EXOC6B: variants seen among roughly 807,000 people sequenced by gnomAD.
The protein encoded by EXOC6B is SEC15 homolog B.
EXOC6B carries 54 observed loss-of-function variants against 113.5 expected under a neutral mutation model. The ratio of observed to expected loss-of-function variants is 0.48; its 90% CI spans 0.38 to 0.60. The LOEUF (loss-of-function observed/expected upper bound fraction) is 0.60. Ranked by LOEUF, EXOC6B falls within the 20% of genes least tolerant of loss-of-function variation. EXOC6B has a pLI of 0.00. For synonymous variants in EXOC6B, 357 were observed against 339.0 expected, an observed-to-expected ratio of 1.05 and a Z score of -0.58; for missense variants, 797 against 977.5, an observed-to-expected ratio of 0.82 and a Z score of 2.46.
At chr2:72,463,315 A>G (rs968228522) in intron 18 of EXOC6B, 1 of 152,176 alleles carries the variant, frequency 6.6e-6, no homozygotes, top group Non-Finnish European at 1.5e-5. Flanking sequence ...CTGCAGATAA[A>G]TGCTCCCACT....
chr2:72,438,311 A>G (rs541000621), intron 18 of EXOC6B, among the ~76,000 whole-genome samples: 1,882 of 137,552 alleles, frequency 0.014, 60 homozygotes, highest in Middle Eastern at 0.014. Context: ...ATCTTTGTGG[A>G]AAAAAAAAAA....
intron 1 of EXOC6B, among the ~76,000 whole-genome samples, chr2:72,765,611 T>C (rs1436122071): frequency 6.6e-6 from 1 of 152,116 alleles, no homozygotes; most frequent in Non-Finnish European, 1.5e-5. Context: ...AGGTGGAGGT[T>C]GCTGTGAGCC....
chr2:72,390,863 ATTGT>A (rs1692331912), intron 18 of EXOC6B, among the ~76,000 whole-genome samples: 1 of 152,056 alleles, frequency 6.6e-6, no homozygotes, highest in South Asian at 2.1e-4. Flanking sequence ...TGTTTGTTTG[ATTGT>A]TTGTCTGACC....
At chr2:72,695,117 G>A (rs752395155) in intron 6 of EXOC6B, among the ~76,000 whole-genome samples, 1 of 152,194 alleles carries the variant, frequency 6.6e-6, no homozygotes, top group African/African-American at 2.4e-5. Context: ...CGGGAAAGAC[G>A]GCTGGATGCT....
intron 20 of EXOC6B, among the ~76,000 whole-genome samples, chr2:72,299,448 C>T (rs1054084825): frequency 6.6e-6 from 1 of 152,006 alleles, no homozygotes; most frequent in East Asian, 2.0e-4. Flanking sequence ...TTTTTAGCTT[C>T]CTTGCATTGG....
chr2:72,652,964 T>C (rs1001763659), intron 6 of EXOC6B, among the ~76,000 whole-genome samples: 1 of 151,598 alleles, frequency 6.6e-6, no homozygotes, highest in Non-Finnish European at 1.5e-5. Context: ...TGGGCAACAT[T>C]GTGAGACCTC....
At chr2:72,335,123 G>T in intron 19 of EXOC6B, 103 bp from the exon 20 acceptor site, 1 of 1,024,814 alleles carries the variant, frequency 9.8e-7, no homozygotes, top group Non-Finnish European at 1.5e-6. Flanking sequence ...GGGAGAGGAG[G>T]ACCAAGCTTC....
intron 18 of EXOC6B, among the ~76,000 whole-genome samples, chr2:72,399,886 T>C (rs1693025664): frequency 6.6e-6 from 1 of 152,116 alleles, no homozygotes. Flanking sequence ...CAATGCAATT[T>C]CTATCAAAAT....
intron 6 of EXOC6B, among the ~76,000 whole-genome samples, chr2:72,652,134 G>A (rs1385331771): frequency 6.7e-6 from 1 of 149,438 alleles, no homozygotes; most frequent in Non-Finnish European, 1.5e-5. Flanking sequence ...CCAGGTAAAA[G>A]AATTACGACA....
intron 6 of EXOC6B, among the ~76,000 whole-genome samples, chr2:72,704,290 A>G (rs1678669343): frequency 6.6e-6 from 1 of 151,462 alleles, no homozygotes; most frequent in African/African-American, 2.4e-5. Flanking sequence ...GAGAACAAAG[A>G]CACAACATAC....
At chr2:72,289,287 C>T (rs1685640033) in intron 20 of EXOC6B, among the ~76,000 whole-genome samples, 1 of 152,150 alleles carries the variant, frequency 6.6e-6, no homozygotes, top group African/African-American at 2.4e-5. Flanking sequence ...AGTATATTCA[C>T]TTTGCGAAAA....
chr2:72,310,608 C>T (rs1406996132), intron 20 of EXOC6B, among the ~76,000 whole-genome samples: 1 of 151,192 alleles, frequency 6.6e-6, no homozygotes, highest in Non-Finnish European at 1.5e-5. Flanking sequence ...TTGATCATGG[C>T]CTTTGAAATA....
At chr2:72,427,904 A>C (rs905718476) in intron 18 of EXOC6B, among the ~76,000 whole-genome samples, 2 of 152,154 alleles carry the variant, frequency 1.3e-5, no homozygotes, top group Non-Finnish European at 2.9e-5. Flanking sequence ...AAAAGCTCTG[A>C]GCTCAGCCAT....
chr2:72,415,090 T>C (rs954508489), intron 18 of EXOC6B, among the ~76,000 whole-genome samples: 2 of 152,174 alleles, frequency 1.3e-5, no homozygotes, highest in African/African-American at 2.4e-5. Context: ...TTTAAATATT[T>C]TTCATTTAAG....
intron 5 of EXOC6B, among the ~76,000 whole-genome samples, chr2:72,719,474 C>G (rs1183141138): frequency 6.6e-6 from 1 of 152,156 alleles, no homozygotes; most frequent in Non-Finnish European, 1.5e-5. Flanking sequence ...CTGCAGGCGA[C>G]ACCTAAAAGG....
At chr2:72,483,484 G>A (rs1335206592) in intron 16 of EXOC6B, among the ~76,000 whole-genome samples, 1 of 152,092 alleles carries the variant, frequency 6.6e-6, no homozygotes, top group Non-Finnish European at 1.5e-5. Flanking sequence ...AAAGGGAGGT[G>A]GCTTCACTGG....
At position 72,486,648 on chromosome 2, in the gene EXOC6B, C is replaced by T. The variant is rs369580023; in HGVS notation, c.1665+5670G>A. ...CACCATAATACTTACCCAACCACTA[C>T]CATTTGCATTCACACACTCTGATTC... On this transcript the variant is annotated intron_variant, in intron 16 of 21. Coordinates refer to ENST00000272427, the MANE Select transcript of EXOC6B (RefSeq NM_015189.3). 3.2e-4 allele frequency among the ~76,000 whole-genome samples: 48 copies of T among 152,230 alleles called. No individual in the cohort carries two copies. In the East Asian group the frequency reaches 9.3e-3, roughly 29 times the overall value.
At chr2:72,565,738 A>G (rs1386948459) in intron 7 of EXOC6B, among the ~76,000 whole-genome samples, 1 of 152,160 alleles carries the variant, frequency 6.6e-6, no homozygotes, top group African/African-American at 2.4e-5. Flanking sequence ...AAAACTACAA[A>G]GAGATATGTT....
intron 20 of EXOC6B, among the ~76,000 whole-genome samples, chr2:72,318,235 A>G (rs1010501661): frequency 1.3e-5 from 2 of 152,204 alleles, no homozygotes; most frequent in African/African-American, 4.8e-5. Context: ...TAAAACTAAG[A>G]AACAACATCA....
Sources: gnomAD v4.1 joint callset for allele counts (sites outside exome capture counted in the v4.1 genomes callset) on GRCh38, gnomAD v4.1.1 for gene constraint, MANE v1.5 for transcripts, NCBI Gene and HGNC (gene_info 2026-07-23, HGNC 2026-07-21) for gene names.